The following PTPRM variants were observed in gnomAD, a reference collection of about 807,000 sequenced individuals.
PTPRM encodes receptor-type tyrosine-protein phosphatase mu.
Under a neutral mutation model 186.7 loss-of-function variants are expected in PTPRM, and 47 were observed. The ratio of observed to expected loss-of-function variants is 0.25; its 90% CI spans 0.20 to 0.32. The LOEUF is 0.32. Among genes scored for constraint, PTPRM ranks in the 10% least tolerant of loss-of-function variants. The pLI is 1.00. For missense variants in PTPRM, 1,494 were observed against 1,865.0 expected (o/e 0.80, Z 3.66); for synonymous variants, 668 against 674.9 (o/e 0.99, Z 0.16).
chr18:8,155,609 T>TGCTA, intron 14 of PTPRM, among the ~76,000 whole-genome samples: 1 of 152,210 alleles, frequency 6.6e-6, no homozygotes. Flanking sequence ...ATTTAAACAA[T>TGCTA]GCTAGCACTA....
intron 1 of PTPRM, among the ~76,000 whole-genome samples, chr18:7,705,279 T>TATC (rs2040054381): frequency 5.1e-4 from 75 of 146,600 alleles, no homozygotes; most frequent in East Asian, 2.1e-4. Flanking sequence ...AAATATCTAT[T>TATC]TATCTATCTA....
chr18:8,330,655 ATTT>A (rs374567697), intron 22 of PTPRM, among the ~76,000 whole-genome samples: 16 of 139,442 alleles, frequency 1.1e-4, no homozygotes, highest in African/African-American at 1.0e-4. Context: ...GCTGCCGTTC[ATTT>A]TTTTTTTTTT....
At chr18:8,050,455 G>A (rs1038951496) in intron 7 of PTPRM, among the ~76,000 whole-genome samples, 1 of 151,436 alleles carries the variant, frequency 6.6e-6, no homozygotes, top group Non-Finnish European at 1.5e-5. Context: ...TATGAATATT[G>A]AACTCTGATT....
At chr18:8,180,340 G>C (rs2146570895) in intron 14 of PTPRM, among the ~76,000 whole-genome samples, 1 of 152,324 alleles carries the variant, frequency 6.6e-6, no homozygotes, top group East Asian at 1.9e-4. Context: ...TGCCTCCTCA[G>C]AAGAAAGAAT....
intron 19 of PTPRM, among the ~76,000 whole-genome samples, chr18:8,287,922 T>C (rs1420550131): frequency 6.6e-6 from 1 of 152,178 alleles, no homozygotes; most frequent in Admixed American, 6.5e-5. Context: ...GACATCACTA[T>C]TTTGACACCC....
chr18:7,865,252 G>C (rs2047619614), intron 2 of PTPRM, among the ~76,000 whole-genome samples: 1 of 152,188 alleles, frequency 6.6e-6, no homozygotes, highest in Admixed American at 6.5e-5. Flanking sequence ...GGAGTGGTGA[G>C]AGAGGGCATC....
intron 1 of PTPRM, among the ~76,000 whole-genome samples, chr18:7,698,400 A>G (rs1210215726): frequency 6.6e-6 from 1 of 152,204 alleles, no homozygotes; most frequent in Non-Finnish European, 1.5e-5. Flanking sequence ...TCCATGTTTT[A>G]CGTAGTTCAA....
chr18:8,232,376 C>T (rs923839754), intron 14 of PTPRM, among the ~76,000 whole-genome samples: 3 of 152,162 alleles, frequency 2.0e-5, no homozygotes, highest in African/African-American at 7.2e-5. Flanking sequence ...TTGGTTTCTT[C>T]CAAATTGTCA....
chr18:7,654,737 G>A (rs982797425), intron 1 of PTPRM, among the ~76,000 whole-genome samples: 9 of 152,146 alleles, frequency 5.9e-5, no homozygotes, highest in South Asian at 2.1e-4. Flanking sequence ...TTTTGTTAGC[G>A]TTGTCAAAGA....
chr18:8,357,424 TC>T lies in PTPRM; in HGVS notation c.3055-13460del, dbSNP rs1347747955. Among the ~76,000 whole-genome samples the T allele has an allele frequency of 2.0e-5, 3 of 152,080 alleles. No homozygotes were observed. The East Asian group carries it at 5.8e-4, about 29-fold the overall frequency. On this transcript the variant is annotated intron_variant, in intron 23 of 32. Transcript: ENST00000580170. ...AAGTTCTCAAAATTACTTAAAGCTATCCCCCCAATTTGTCAACTGCCACAAT... is the reference window on the plus strand; with the variant it reads ...AAGTTCTCAAAATTACTTAAAGCTATCCCCCAATTTGTCAACTGCCACAAT...
chr18:8,029,882 C>G (rs1011949705), intron 7 of PTPRM, among the ~76,000 whole-genome samples: 5 of 152,146 alleles, frequency 3.3e-5, no homozygotes, highest in African/African-American at 9.7e-5. Flanking sequence ...GTGATCTGAC[C>G]ATCCGTGTGG....
At chr18:7,693,917 C>CA (rs1268874123) in intron 1 of PTPRM, among the ~76,000 whole-genome samples, 1 of 152,016 alleles carries the variant, frequency 6.6e-6, no homozygotes, top group Non-Finnish European at 1.5e-5. Flanking sequence ...CTGGCGTTTT[C>CA]AAAAATGGGA....
At chr18:7,663,857 G>A (rs2039032700) in intron 1 of PTPRM, among the ~76,000 whole-genome samples, 1 of 152,178 alleles carries the variant, frequency 6.6e-6, no homozygotes. Flanking sequence ...TCCTGCCTCA[G>A]TGCCCCCATG....
At chr18:7,858,683 C>T (rs948612331) in intron 2 of PTPRM, among the ~76,000 whole-genome samples, 12 of 152,120 alleles carry the variant, frequency 7.9e-5, no homozygotes, top group Admixed American at 2.6e-4. Flanking sequence ...TAACGCAGTG[C>T]GTGGAAATGT....
At chr18:8,319,580 C>T (rs888303025) in intron 22 of PTPRM, among the ~76,000 whole-genome samples, 1 of 152,166 alleles carries the variant, frequency 6.6e-6, no homozygotes, top group African/African-American at 2.4e-5. Flanking sequence ...CTGAATCCAG[C>T]AAGCACCCCC....
intron 13 of PTPRM, among the ~76,000 whole-genome samples, chr18:8,124,667 G>A (rs1248109407): frequency 2.0e-5 from 3 of 152,142 alleles, no homozygotes; most frequent in African/African-American, 7.2e-5. Flanking sequence ...GGAACCAAAG[G>A]ACCTGTATTT....
chr18:7,729,072 G>A (rs931768268), intron 1 of PTPRM, among the ~76,000 whole-genome samples: 5 of 151,742 alleles, frequency 3.3e-5, no homozygotes, highest in Admixed American at 6.6e-5. Flanking sequence ...CACCACACTG[G>A]GCTAATTTTT....
intron 14 of PTPRM, among the ~76,000 whole-genome samples, chr18:8,184,721 G>T (rs575702946): frequency 6.6e-6 from 1 of 152,290 alleles, no homozygotes; most frequent in East Asian, 1.9e-4. Flanking sequence ...GTTATATGAG[G>T]ATTTGCCCTA....
At chr18:7,984,948 C>CATATAATTATATAT (rs1438450375) in intron 7 of PTPRM, among the ~76,000 whole-genome samples, 3 of 106,186 alleles carry the variant, frequency 2.8e-5, no homozygotes, top group African/African-American at 8.0e-5. Flanking sequence ...CATATATATA[C>CATATAATTATATAT]ATATATAATT....
Sources: allele counts gnomAD v4.1 joint callset (sites outside exome capture counted in the v4.1 genomes callset), GRCh38; gene constraint gnomAD v4.1.1; transcripts MANE v1.5; gene names NCBI Gene and HGNC (gene_info 2026-07-23, HGNC 2026-07-21).